The following MMD2 variants were observed in gnomAD, a reference collection of about 807,000 sequenced individuals.
MMD2 encodes the protein monocyte to macrophage differentiation factor 2.
In MMD2, 30 loss-of-function variants were observed where a neutral mutation model predicts 33.5. The observed-to-expected ratio is 0.90, with a 90% CI of 0.67 to 1.22. The LOEUF (loss-of-function observed/expected upper bound fraction) is 1.22, where lower values mean the gene tolerates loss of function less well. Ranked by LOEUF, MMD2 falls within the 50% of genes most tolerant of loss-of-function variation. MMD2 has a pLI of 0.00. For synonymous variants in MMD2, 129 were observed against 123.0 expected, an observed-to-expected ratio of 1.05 and a Z score of -0.32; for missense variants, 364 against 325.4, an observed-to-expected ratio of 1.12 and a Z score of -0.91.
chr7:4,935,962 ATCACCTGAGG>A, intron 1 of MMD2, among the ~76,000 whole-genome samples: 1 of 152,206 alleles, frequency 6.6e-6, no homozygotes, highest in East Asian at 1.9e-4. Flanking sequence ...AGGCAAGCAG[ATCACCTGAGG>A]TCAGGAGTTC....
chr7:4,930,806 C>G (rs970707881), intron 1 of MMD2, among the ~76,000 whole-genome samples: 1 of 152,114 alleles, frequency 6.6e-6, no homozygotes, highest in Non-Finnish European at 1.5e-5. Context: ...TTCCAGCCCT[C>G]GGACAAAAAC....
chr7:4,950,155 G>A lies in MMD2; in HGVS notation c.47+8816C>T, dbSNP rs369184533. ...CACTCTGTTGCCCAGGCTGGAGTGCGATGGGCAATCTCAGCTCACCACAAC... is the reference window on the plus strand; with the variant it reads ...CACTCTGTTGCCCAGGCTGGAGTGCAATGGGCAATCTCAGCTCACCACAAC... On this transcript the variant is annotated intron_variant, in intron 1 of 6. Transcript: ENST00000401401. Among the ~76,000 whole-genome samples, 5 of 151,776 alleles carry A rather than the reference G, an allele frequency of 3.3e-5. No homozygotes were observed. The South Asian group carries it at 8.3e-4, about 25-fold the overall frequency.
At position 4,932,624 on chromosome 7, in the gene MMD2, ATT is replaced by A. The variant is rs34390864; in HGVS notation, c.48-7094_48-7093del. Reference sequence around the variant, plus strand: ...CCCTGTCCCCTGTCCTCTGTGGTGCATTTTTTTTTTTTTTTTGAGAAGGAGTT... The same window carrying A: ...CCCTGTCCCCTGTCCTCTGTGGTGCATTTTTTTTTTTTTTGAGAAGGAGTT... On this transcript the variant is annotated intron_variant, in intron 1 of 6. Coordinates refer to ENST00000401401, the MANE Select transcript of MMD2 (RefSeq NM_198403.4). Among the ~76,000 whole-genome samples, 719 of 137,704 alleles carry A rather than the reference ATT, an allele frequency of 5.2e-3. 8 individuals are homozygous for A. Among genetic ancestry groups the A allele is most frequent in the African/African-American group, 0.013 (470 of 37,240 alleles). The allele number at this position is 137,704 out of a possible 152,430, so 90.3% of individuals were successfully genotyped here.
intron 1 of MMD2, 66 bp from the exon 2 acceptor site, chr7:4,925,598 AGCCTGAAGACC>A: frequency 7.8e-7 from 1 of 1,289,690 alleles, no homozygotes; most frequent in Non-Finnish European, 1.1e-6. Flanking sequence ...ATTCCCAGGA[AGCCTGAAGACC>A]TTACTTCCTA....
chr7:4,926,807 C>T (rs1047801917), intron 1 of MMD2, among the ~76,000 whole-genome samples: 94 of 151,678 alleles, frequency 6.2e-4, no homozygotes, highest in African/African-American at 2.1e-3. Context: ...TGCAGTGGTG[C>T]GATCTCGGCT....
At chr7:4,905,466 G>A (rs564878513), downstream of MMD2, among the ~76,000 whole-genome samples, 84 of 151,386 alleles carry the variant, frequency 5.5e-4, no homozygotes, top group African/African-American at 2.0e-3. The surrounding 1 kb of genome is among the most constrained non-coding windows in gnomAD (Gnocchi z 5.0). Context: ...GGAGGAAGGG[G>A]AGGAAAGGAG....
At chr7:4,894,139 A>G in the MMD2 span, among the ~76,000 whole-genome samples, 1 of 152,232 alleles carries the variant, frequency 6.6e-6, no homozygotes, top group East Asian at 1.9e-4. The surrounding 1 kb of genome is among the most constrained non-coding windows in gnomAD (Gnocchi z 4.3). Context: ...CTCTGACCAA[A>G]GAATATGGCA....
intron 4 of MMD2, among the ~76,000 whole-genome samples, chr7:4,912,547 G>A (rs1225423259): frequency 4.7e-5 from 7 of 149,644 alleles, no homozygotes; most frequent in Admixed American, 1.3e-4. Context: ...GGGCAACAGA[G>A]CAAGACTCTG....
At chr7:4,901,462 TA>T (rs1306242218), downstream of MMD2, among the ~76,000 whole-genome samples, 2 of 152,210 alleles carry the variant, frequency 1.3e-5, no homozygotes, top group Non-Finnish European at 2.9e-5. Flanking sequence ...AAATACAATT[TA>T]AAAACCAAAC....
Position 4,941,951 on chromosome 7 carries a change from T to A in MMD2, c.48-16419A>T, listed in dbSNP as rs186557524. On this transcript the variant is annotated intron_variant, in intron 1 of 6. Transcript: ENST00000401401. ...CTTTCCTGGTGCTGGTGGGAGGTCA[T>A]TTATTTATTTATATATTTTTGAGAT... Among the ~76,000 whole-genome samples the A allele has an allele frequency of 4.6e-5, 7 of 151,708 alleles. No individual in the cohort carries two copies. The East Asian group carries it at 1.4e-3, about 30-fold the overall frequency.
intron 2 of MMD2, among the ~76,000 whole-genome samples, chr7:4,921,235 C>T (rs1785276138): frequency 6.6e-6 from 1 of 152,130 alleles, no homozygotes; most frequent in Admixed American, 6.6e-5. Context: ...CACTGATGTC[C>T]TGACCTCATC....
At chr7:4,944,392 G>A (rs1260363006) in intron 1 of MMD2, among the ~76,000 whole-genome samples, 2 of 152,170 alleles carry the variant, frequency 1.3e-5, no homozygotes, top group Non-Finnish European at 2.9e-5. Context: ...CCAGAGATGA[G>A]GGGAGCCAGG....
intron 1 of MMD2, among the ~76,000 whole-genome samples, chr7:4,939,784 A>T (rs1785853101): frequency 6.8e-6 from 1 of 146,666 alleles, no homozygotes; most frequent in Admixed American, 7.0e-5. Flanking sequence ...GCTGTTGCCC[A>T]GGCTGGAGTG....
the MMD2 span, among the ~76,000 whole-genome samples, chr7:4,895,468 C>T: frequency 1.3e-5 from 2 of 152,136 alleles, no homozygotes; most frequent in African/African-American, 2.4e-5. Flanking sequence ...ACGGGGTCAG[C>T]GGTTTTGACT....
At position 4,907,337 on chromosome 7, in the gene MMD2, C is replaced by G; in HGVS notation, c.*59G>C. 1 of 1,547,092 alleles carries G rather than the reference C, an allele frequency of 6.5e-7. No individual in the cohort carries two copies. Among genetic ancestry groups the G allele is most frequent in the Non-Finnish European group, 8.9e-7 (1 of 1,121,788 alleles). On this transcript the variant is annotated 3_prime_UTR_variant, in exon 7 of 7. Coordinates refer to ENST00000401401, the MANE Select transcript of MMD2 (RefSeq NM_198403.4). ...GCCTTGGCGCTGTGCTCTGGGTTAA[C>G]GTTCACAGAAACGTGCTCCACTCCT...
intron 1 of MMD2, among the ~76,000 whole-genome samples, chr7:4,930,764 T>C (rs60684017): frequency 1.3e-5 from 2 of 152,014 alleles, no homozygotes; most frequent in African/African-American, 2.4e-5. Flanking sequence ...AATATCTGCT[T>C]TTGTAAGCCG....
At chr7:4,948,043 A>C (rs560710895) in intron 1 of MMD2, among the ~76,000 whole-genome samples, 2 of 152,010 alleles carry the variant, frequency 1.3e-5, no homozygotes, top group Non-Finnish European at 2.9e-5. Context: ...CTCATTCACT[A>C]TCTCAACCAA....
intron 2 of MMD2, among the ~76,000 whole-genome samples, chr7:4,923,400 G>A (rs1337648441): frequency 6.6e-6 from 1 of 152,096 alleles, no homozygotes; most frequent in Non-Finnish European, 1.5e-5. Flanking sequence ...CACTGCATCC[G>A]GCCAATTCAG....
chr7:4,940,998 C>A lies in MMD2; in HGVS notation c.48-15466G>T, dbSNP rs899626824. On this transcript the variant is annotated intron_variant, in intron 1 of 6. Transcript: ENST00000401401. The surrounding 1 kb of genome is among the most constrained non-coding windows in gnomAD (Gnocchi z 5.0). Reference sequence around the variant, plus strand: ...CTCCAAAGCTAGGACCATCTCCCAGCCTCAGGAGGCTCCCAGATGCTATCA... The same window carrying A: ...CTCCAAAGCTAGGACCATCTCCCAGACTCAGGAGGCTCCCAGATGCTATCA... 1.2e-4 allele frequency among the ~76,000 whole-genome samples: 18 copies of A among 152,152 alleles called. No homozygotes were observed. Among genetic ancestry groups the A allele is most frequent in the African/African-American group, 4.3e-4 (18 of 41,452 alleles).
Sources: gnomAD v4.1 joint callset for allele counts (sites outside exome capture counted in the v4.1 genomes callset) on GRCh38, gnomAD v4.1.1 for gene constraint, Gnocchi (gnomAD v3.1) non-coding constraint, MANE v1.5 for transcripts, NCBI Gene and HGNC (gene_info 2026-07-23, HGNC 2026-07-21) for gene names.